Variants in CCDC30 observed in about 807,000 individuals in gnomAD.
CCDC30 encodes the protein coiled-coil domain containing 30.
Under a neutral mutation model 100.2 loss-of-function variants are expected in CCDC30, and 70 were observed. The observed-to-expected ratio is 0.70, with a 90% CI of 0.58 to 0.85. The LOEUF is 0.85. CCDC30 is among the 40% of genes least tolerant of loss of function. The pLI, the probability that CCDC30 is intolerant of heterozygous loss-of-function variation, is 0.00. For missense variants in CCDC30, 652 were observed against 771.2 expected (o/e 0.85, Z 1.83); for synonymous variants, 233 against 269.5 (o/e 0.86, Z 1.33).
intron 11 of CCDC30, among the ~76,000 whole-genome samples, chr1:42,636,425 G>C (rs530765225): frequency 7.9e-5 from 12 of 151,942 alleles, no homozygotes; most frequent in African/African-American, 2.9e-4. Flanking sequence ...AGAAGAAGAA[G>C]AGGTCCAGAC....
chr1:42,472,569 G>A (rs1297864885), intron 1 of CCDC30, among the ~76,000 whole-genome samples: 1 of 151,700 alleles, frequency 6.6e-6, no homozygotes, highest in Non-Finnish European at 1.5e-5. Flanking sequence ...AGACTTCTTT[G>A]GACTTTAAAA....
At chr1:42,640,013 A>G (rs1647275181) in intron 12 of CCDC30, among the ~76,000 whole-genome samples, 1 of 151,996 alleles carries the variant, frequency 6.6e-6, no homozygotes, top group Admixed American at 6.6e-5. Flanking sequence ...TGGTGGATTC[A>G]TTGTTCACAT....
Position 42,493,067 on chromosome 1 carries a change from A to G in CCDC30, c.241+2838A>G, listed in dbSNP as rs554370115. On this transcript the variant is annotated intron_variant, in intron 4 of 16. Transcript: ENST00000668663. ...ATCATCATTTCTGTGACATAGCTAA[A>G]TCAGTACTTAGAGGGAATTTTATAG... Among the ~76,000 whole-genome samples the G allele has an allele frequency of 9.8e-5, 15 of 152,350 alleles. 1 individual carries two copies. The highest frequency in any genetic ancestry group is 3.4e-4 in the African/African-American group (14 of 41,586).
exon 8 of CCDC30, chr1:42,577,079 T>C (rs770626434): frequency 5.6e-5 from 90 of 1,613,992 alleles, no homozygotes; most frequent in Non-Finnish European, 7.6e-5. Flanking sequence ...AGATGTGCTC[T>C]TCACTCACGG....
chr1:42,556,814 T>A (rs1378752202), intron 6 of CCDC30, among the ~76,000 whole-genome samples: 3 of 152,188 alleles, frequency 2.0e-5, no homozygotes, highest in Admixed American at 6.5e-5. Context: ...AAATTACCGA[T>A]TGACTGTTGA....
intron 6 of CCDC30, among the ~76,000 whole-genome samples, chr1:42,542,548 T>TTTTTTTC (rs1645034200): frequency 1.0e-5 from 1 of 97,916 alleles, no homozygotes; most frequent in South Asian, 3.7e-4. Flanking sequence ...TCTTTTTTTT[T>TTTTTTTC]TTTTTTTTTT....
At chr1:42,499,547 C>T (rs1644276604) in intron 6 of CCDC30, among the ~76,000 whole-genome samples, 1 of 152,112 alleles carries the variant, frequency 6.6e-6, no homozygotes, top group African/African-American at 2.4e-5. Context: ...GCAGTCCTGG[C>T]TCGCTGCAGC....
At chr1:42,478,616 A>G (rs775786919) in intron 1 of CCDC30, among the ~76,000 whole-genome samples, 1 of 152,072 alleles carries the variant, frequency 6.6e-6, no homozygotes, top group Non-Finnish European at 1.5e-5. Flanking sequence ...AAAATTAGCC[A>G]GGCATGGTGG....
At chr1:42,649,312 A>T (rs1221953218) in intron 15 of CCDC30, among the ~76,000 whole-genome samples, 3 of 152,222 alleles carry the variant, frequency 2.0e-5, no homozygotes, top group Non-Finnish European at 4.4e-5. Context: ...CAAATCAATA[A>T]ACATGATACA....
chr1:42,493,535 G>A lies in CCDC30; in HGVS notation c.241+3306G>A, dbSNP rs556253725. On this transcript the variant is annotated intron_variant, in intron 4 of 16. Transcript: ENST00000668663. ...CTGGGAGGCAGAGGTTGCAGTGACC[G>A]GAGATTGTGCCACTGCACTCCAGCC... Among the ~76,000 whole-genome samples the A allele has an allele frequency of 1.2e-4, 18 of 152,102 alleles. No individual in the cohort carries two copies. In the South Asian group the frequency reaches 2.1e-3, roughly 18 times the overall value.
At chr1:42,645,986 A>G in intron 14 of CCDC30, 149 bp from the exon 19 acceptor site, 1 of 1,087,530 alleles carries the variant, frequency 9.2e-7, no homozygotes, top group Non-Finnish European at 1.2e-6. Flanking sequence ...TGCGATCCAT[A>G]TTGTTAACCT....
intron 9 of CCDC30, among the ~76,000 whole-genome samples, chr1:42,583,767 A>G (rs1402459949): frequency 6.6e-6 from 1 of 152,210 alleles, no homozygotes; most frequent in African/African-American, 2.4e-5. Context: ...TGCAGTCTGT[A>G]TGGCGTCATC....
At chr1:42,641,569 A>AAAACAAAC (rs1243235120) in intron 12 of CCDC30, among the ~76,000 whole-genome samples, 1 of 151,776 alleles carries the variant, frequency 6.6e-6, no homozygotes, top group Non-Finnish European at 1.5e-5. Context: ...AAAAAACAAA[A>AAAACAAAC]AAAAACAAAA....
chr1:42,622,261 C>T (rs539636219), intron 11 of CCDC30, among the ~76,000 whole-genome samples: 1 of 152,272 alleles, frequency 6.6e-6, no homozygotes, highest in African/African-American at 2.4e-5. Context: ...TTGCAAATGA[C>T]AGGATCTCAT....
intron 15 of CCDC30, among the ~76,000 whole-genome samples, chr1:42,650,129 T>C (rs990485566): frequency 6.6e-6 from 1 of 152,040 alleles, no homozygotes; most frequent in African/African-American, 2.4e-5. Context: ...AACCCCCAAA[T>C]AGCCAAGGCA....
exon 15 of CCDC30, chr1:42,646,228 G>A: frequency 6.4e-7 from 1 of 1,562,334 alleles, no homozygotes; most frequent in East Asian, 2.4e-5. Context: ...ATACAGCACT[G>A]AGGTCTTCAC....
upstream of CCDC30, among the ~76,000 whole-genome samples, chr1:42,462,592 G>A (rs1425676744): frequency 1.3e-5 from 2 of 152,084 alleles, no homozygotes; most frequent in African/African-American, 2.4e-5. Flanking sequence ...CAAAGCAAGG[G>A]CCCCCAAAAC....
At chr1:42,472,485 A>G (rs1401577673) in intron 1 of CCDC30, among the ~76,000 whole-genome samples, 5 of 152,256 alleles carry the variant, frequency 3.3e-5, no homozygotes, top group Non-Finnish European at 7.4e-5. Flanking sequence ...TAAATCCTGG[A>G]TAGTATAGAA....
chr1:42,532,331 C>A (rs1456564183), intron 6 of CCDC30, among the ~76,000 whole-genome samples: 1 of 152,118 alleles, frequency 6.6e-6, no homozygotes, highest in Admixed American at 6.5e-5. Context: ...AGTCCTGTGA[C>A]TTAAAAAGGA....
Sources: allele counts gnomAD v4.1 joint callset (sites outside exome capture counted in the v4.1 genomes callset), GRCh38; gene constraint gnomAD v4.1.1; transcripts MANE v1.5; gene names NCBI Gene and HGNC (gene_info 2026-07-23, HGNC 2026-07-21).